Variants in FAM221A observed in about 807,000 individuals in gnomAD.
The protein encoded by FAM221A is family with sequence similarity 221 member A, also known as protein FAM221A.
FAM221A carries 43 observed loss-of-function variants against 37.6 expected under a neutral mutation model. The ratio of observed to expected loss-of-function variants is 1.15; its 90% CI spans 0.90 to 1.48. FAM221A has a LOEUF of 1.48. Among genes scored for constraint, FAM221A ranks in the 40% most tolerant of loss-of-function variants. FAM221A has a pLI of 0.00. For missense variants in FAM221A, 361 were observed against 361.5 expected (o/e 1.00, Z 0.01); for synonymous variants, 135 against 132.9 (o/e 1.02, Z -0.11).
intron 3 of FAM221A, 135 bp from the exon 4 acceptor site, chr7:23,691,255 G>A: frequency 1.4e-6 from 1 of 695,968 alleles, no homozygotes; most frequent in East Asian, 2.6e-5. Context: ...TGGCTAGGAA[G>A]GAGTTCGGTG....
chr7:23,702,738 A>C (rs981183779), downstream of FAM221A: 1 of 152,208 alleles, frequency 6.6e-6, no homozygotes, highest in African/African-American at 2.4e-5. Flanking sequence ...TCAACCACCC[A>C]TTGTCTATGA....
At chr7:23,684,005 G>A (rs552676674) in intron 1 of FAM221A, among the ~76,000 whole-genome samples, 1 of 152,250 alleles carries the variant, frequency 6.6e-6, no homozygotes, top group South Asian at 2.1e-4. Context: ...ACCTTCCTCT[G>A]GAGCCTCAGT....
At chr7:23,692,293 AT>A (rs1784798760) in intron 4 of FAM221A, 2 of 651,916 alleles carry the variant, frequency 3.1e-6, no homozygotes, top group African/African-American at 2.0e-5. Context: ...ACAAGCATGT[AT>A]TTTTTCATTT....
chr7:23,688,084 G>A (rs11771307), intron 2 of FAM221A: 65,735 of 150,744 alleles, frequency 0.44, 15,215 homozygotes, highest in South Asian at 0.67. Context: ...TTTCTCTGTT[G>A]CCCAGGCTGG....
In FAM221A at chr7:23,684,601, G is replaced by A; in HGVS notation, c.168G>A (p.Val56=). Residue 56 remains valine, a synonymous_variant, in exon 2 of 7, where the codon GTG becomes GTA. Coordinates refer to ENST00000344962, the MANE Select transcript of FAM221A (RefSeq NM_199136.5). The stretch of plus-strand genomic sequence containing the variant: ...TGCGCTTACAAAACAGATTATTTGT[G>A]AGCTGGCGGTCACCAACAGGGATGG... The part of the protein sequence containing the change: ...LPLRLQNRLF[V]SWRSPTGMDC... 2 of 1,614,096 alleles carry A rather than the reference G, an allele frequency of 1.2e-6. No individual in the cohort carries two copies. The highest frequency in any genetic ancestry group is 1.7e-6 in the Non-Finnish European group (2 of 1,179,966).
At chr7:23,686,326 C>T (rs1004638478) in intron 2 of FAM221A, 13 of 426,020 alleles carry the variant, frequency 3.1e-5, no homozygotes, top group African/African-American at 8.5e-5. Flanking sequence ...TGCAGTGGCA[C>T]GATCTTGGCT....
intron 3 of FAM221A, 27 bp downstream of exon 3, chr7:23,689,486 A>T (rs1784580685): frequency 6.8e-7 from 1 of 1,478,852 alleles, no homozygotes; most frequent in East Asian, 2.3e-5. Flanking sequence ...TAAACACATA[A>T]ACTCAGAATG....
Position 23,701,236 on chromosome 7 carries a change from C to CTTTTTTTTTTTTTTT in FAM221A, c.828+369_828+370insTTTTTTTTTTTTTTT, listed in dbSNP as rs1283939718. Among the ~76,000 whole-genome samples, 2 of 72,746 alleles carry CTTTTTTTTTTTTTTT rather than the reference C, an allele frequency of 2.7e-5. 1 individual carries two copies. The allele number at this position is 72,746 out of a possible 152,430, so 47.7% of individuals were successfully genotyped here. A position where few individuals can be genotyped will look rare whatever the true frequency, so the allele number is the denominator to read the frequency against. On this transcript the variant is annotated intron_variant, in intron 6 of 6. Transcript: ENST00000344962. The stretch of plus-strand genomic sequence containing the variant: ...ATAAAGATTGAATATATTTTGAATT[C>CTTTTTTTTTTTTTTT]TCTTTTTTTTTTTTTTTTTTTGAGA...
In FAM221A at chr7:23,698,175, A is replaced by G. The variant is rs1042542435; in HGVS notation, c.638-17A>G. On this transcript the variant is annotated splice_polypyrimidine_tract_variant and intron_variant, in intron 4 of 6. Coordinates refer to ENST00000344962, the MANE Select transcript of FAM221A (RefSeq NM_199136.5). ...TGTAAATATTTAATTTTTATTCTCC[A>G]TGTATTGTTTTCTCAGGTGTACCTT... is the stretch of plus-strand genomic sequence containing the variant. 8.0e-7 allele frequency: 1 copy of G among 1,247,448 alleles called. No homozygotes were observed. Among genetic ancestry groups the G allele is most frequent in the Non-Finnish European group, 1.2e-6 (1 of 853,024 alleles). The allele number at this position is 1,247,448 out of a possible 1,614,324, so 77.3% of individuals were successfully genotyped here.
rs1584251544 is a variant in FAM221A at position 23,684,372 on chromosome 7, C to G, written c.66-127C>G. ...GTTACAGAGACCCGGCCTGCCACATCTGTAAGAAAAGACAGATTTACAAAA... is the reference window on the plus strand; with the variant it reads ...GTTACAGAGACCCGGCCTGCCACATGTGTAAGAAAAGACAGATTTACAAAA... On this transcript the variant is annotated intron_variant, in intron 1 of 6. Coordinates refer to ENST00000344962, the MANE Select transcript of FAM221A (RefSeq NM_199136.5). 6 of 763,668 alleles carry G rather than the reference C, an allele frequency of 7.9e-6. No homozygotes were observed. In the South Asian group the frequency reaches 9.0e-5, roughly 11 times the overall value. 47.3% of individuals were successfully genotyped at this position (763,668 alleles called of 1,614,324 possible).
rs1439530037 is a variant in FAM221A, at chr7:23,698,204, T to C, written c.650T>C (p.Val217Ala). ...ATTGTTTTCTCAGGTGTACCTTCAG[T>C]TGAATTTTTAGAATCTCCCATTACG... ...LDDSGIGVPS[V>A]EFLESPITAV... The change falls in exon 5 of 7, where the codon GTT becomes GCT. Residue 217 changes from valine to alanine, a missense_variant. By Grantham distance (64) the Val-to-Ala change is moderately conservative. Transcript: ENST00000344962. 1 of 1,572,332 alleles carries C rather than the reference T, an allele frequency of 6.4e-7. No homozygotes were observed. Among genetic ancestry groups the C allele is most frequent in the Non-Finnish European group, 8.7e-7 (1 of 1,147,142 alleles).
Position 23,697,710 on chromosome 7 carries a change from CAGA to C in FAM221A, c.638-477_638-475del, listed in dbSNP as rs565966657. Among the ~76,000 whole-genome samples the C allele has an allele frequency of 3.1e-3, 467 of 152,218 alleles. 3 individuals carry two copies. The highest frequency in any genetic ancestry group is 0.014 in the Middle Eastern group (4 of 294). ...CTGTGAAAAAGTTCTCAGAAATGTG[CAGA>C]AGAATACTTTTACCCATTTGCTTTT... is the stretch of plus-strand genomic sequence containing the variant. On this transcript the variant is annotated intron_variant, in intron 4 of 6. Transcript: ENST00000344962.
intron 1 of FAM221A, among the ~76,000 whole-genome samples, chr7:23,681,004 G>C (rs6978926): frequency 0.82 from 124,537 of 152,138 alleles, 51,055 homozygotes; most frequent in South Asian, 0.88. Flanking sequence ...AGCGACAGGG[G>C]CTCCTCTGCG....
chr7:23,687,287 G>T (rs1784427945), intron 2 of FAM221A: 1 of 152,242 alleles, frequency 6.6e-6, no homozygotes, highest in African/African-American at 2.4e-5. Context: ...GGAAGGGCAG[G>T]TTAGAAGGGG....
Position 23,702,337 on chromosome 7 carries a change from T to A in FAM221A, c.*173T>A, listed in dbSNP as rs116657884. 0.026 allele frequency: 10,583 copies of A among 414,610 alleles called. 319 individuals carry two copies. The highest frequency in any genetic ancestry group is 0.1 in the African/African-American group (4,926 of 48,190). 25.7% of individuals were successfully genotyped at this position (414,610 alleles called of 1,614,324 possible). On this transcript the variant is annotated 3_prime_UTR_variant, in exon 7 of 7. Transcript: ENST00000344962. ...TAACTAAAAATGCCTATTACTTTTGTCAAAACTCATAATTTACTACTTTGT... is the reference window on the plus strand; with the variant it reads ...TAACTAAAAATGCCTATTACTTTTGACAAAACTCATAATTTACTACTTTGT...
chr7:23,690,199 A>ATATATATATATATTTTTTT (rs774313037), intron 3 of FAM221A, among the ~76,000 whole-genome samples: 2 of 48,740 alleles, frequency 4.1e-5, no homozygotes, highest in African/African-American at 1.7e-4. Flanking sequence ...ATATATATAT[A>ATATATATATATATTTTTTT]TTTTTTTTTT....
chr7:23,680,551 G>T (rs1489504117), intron 1 of FAM221A, among the ~76,000 whole-genome samples: 1 of 152,202 alleles, frequency 6.6e-6, no homozygotes, highest in Non-Finnish European at 1.5e-5. Flanking sequence ...ACTCTAGATT[G>T]ATACAGAGGT....
rs768084256 is a variant in FAM221A, at chr7:23,689,452, C to T, written c.423C>T (p.Cys141=). Residue 141 remains cysteine, a synonymous_variant, in exon 3 of 7, where the codon TGC becomes TGT. Coordinates refer to ENST00000344962, the MANE Select transcript of FAM221A (RefSeq NM_199136.5). ...DQHSAAPGFT[C]NTCSKCSGFH... ...ACAGTGCTGCGCCTGGCTTTACATG[C>T]AATACATGTGAGTTATATTATTATA... is the stretch of plus-strand genomic sequence containing the variant. The T allele has an allele frequency of 6.4e-7, 1 of 1,555,360 alleles. No individual in the cohort carries two copies. Among genetic ancestry groups the T allele is most frequent in the Non-Finnish European group, 8.8e-7 (1 of 1,136,362 alleles).
At chr7:23,697,900 C>T (rs1004226730) in intron 4 of FAM221A, among the ~76,000 whole-genome samples, 2 of 151,998 alleles carry the variant, frequency 1.3e-5, no homozygotes, top group Non-Finnish European at 2.9e-5. Context: ...TACAGGCACA[C>T]ACCACCATGT....
Sources: allele counts gnomAD v4.1 joint callset (sites outside exome capture counted in the v4.1 genomes callset), GRCh38; gene constraint gnomAD v4.1.1; transcripts MANE v1.5; gene names NCBI Gene and HGNC (gene_info 2026-07-23, HGNC 2026-07-21).